The following ERBB4 variants were observed in gnomAD, a reference collection of about 807,000 sequenced individuals.
ERBB4 encodes the protein erb-b2 receptor tyrosine kinase 4.
ERBB4 carries 42 observed loss-of-function variants against 158.0 expected under a neutral mutation model. That is an observed-to-expected ratio of 0.27 (90% CI 0.21 to 0.34). The LOEUF (loss-of-function observed/expected upper bound fraction) is 0.34, where lower values mean the gene tolerates loss of function less well. Among genes scored for constraint, ERBB4 ranks in the 10% least tolerant of loss-of-function variants. The pLI, the probability that ERBB4 is intolerant of heterozygous loss-of-function variation, is 1.00. For synonymous variants in ERBB4, 583 were observed against 558.7 expected, an observed-to-expected ratio of 1.04 and a Z score of -0.61; for missense variants, 1,333 against 1,624.1, an observed-to-expected ratio of 0.82 and a Z score of 3.08.
At chr2:211,504,580 C>T (rs2065698525) in intron 20 of ERBB4, among the ~76,000 whole-genome samples, 1 of 152,042 alleles carries the variant, frequency 6.6e-6, no homozygotes, top group Admixed American at 6.5e-5. Context: ...CCCAAAGGAC[C>T]ACACTAGCTC....
intron 20 of ERBB4, among the ~76,000 whole-genome samples, chr2:211,452,890 T>C (rs2064284161): frequency 6.6e-6 from 1 of 152,206 alleles, no homozygotes; most frequent in South Asian, 2.1e-4. Context: ...ATTTGTGCAG[T>C]AAAGTATGTG....
At chr2:212,436,376 T>A (rs903748093) in intron 1 of ERBB4, among the ~76,000 whole-genome samples, 1 of 152,080 alleles carries the variant, frequency 6.6e-6, no homozygotes, top group Non-Finnish European at 1.5e-5. Flanking sequence ...CAAGTAGGCA[T>A]GACTGACATC....
chr2:212,532,644 A>G (rs1692818909), intron 1 of ERBB4, among the ~76,000 whole-genome samples: 1 of 152,258 alleles, frequency 6.6e-6, no homozygotes, highest in African/African-American at 2.4e-5. Flanking sequence ...CCCAGATCAC[A>G]TAACAAATGA....
intron 2 of ERBB4, among the ~76,000 whole-genome samples, chr2:211,951,991 A>T (rs1193917731): frequency 6.6e-6 from 1 of 152,070 alleles, no homozygotes; most frequent in Admixed American, 6.6e-5. Context: ...TGACCCAGAA[A>T]AATAATGTAA....
chr2:211,591,030 A>G (rs575166099), intron 19 of ERBB4, among the ~76,000 whole-genome samples: 11 of 152,242 alleles, frequency 7.2e-5, no homozygotes. Context: ...CTTTCCCTGT[A>G]AGGATCTCTC....
rs762428940 is a variant in ERBB4 at position 212,068,227 on chromosome 2, CAA to C, written c.234+56523_234+56524del. Among the ~76,000 whole-genome samples, 17 of 152,080 alleles carry C rather than the reference CAA, an allele frequency of 1.1e-4. 1 individual carries two copies. In the East Asian group the frequency reaches 1.5e-3, roughly 14 times the overall value. On this transcript the variant is annotated intron_variant, in intron 2 of 27. Coordinates refer to ENST00000342788, the MANE Select transcript of ERBB4 (RefSeq NM_005235.3). ...CTGTCCAGCCAGAACCACAAAAACT[CAA>C]AGACACAGGTGATAATGAGTAGGAC...
chr2:211,983,795 A>C (rs959884127), intron 2 of ERBB4, among the ~76,000 whole-genome samples: 11 of 152,190 alleles, frequency 7.2e-5, no homozygotes, highest in Non-Finnish European at 1.5e-4. Flanking sequence ...AAGAATTAAG[A>C]ATAGAGATCT....
In ERBB4 at chr2:212,309,200, T is replaced by G. The variant is rs183298612; in HGVS notation, c.83-184297A>C. On this transcript the variant is annotated intron_variant, in intron 1 of 27. Transcript: ENST00000342788. ...TCTTGATAAGTTAACACCCTCTGATTTGAGAACCAGACTATTTACGTAATC... is the reference window on the plus strand; with the variant it reads ...TCTTGATAAGTTAACACCCTCTGATGTGAGAACCAGACTATTTACGTAATC... 1.5e-4 allele frequency among the ~76,000 whole-genome samples: 22 copies of G among 151,036 alleles called. 1 individual carries two copies. The highest frequency in any genetic ancestry group is 5.1e-4 in the African/African-American group (21 of 41,416).
chr2:212,003,105 GAAA>G (rs1229491402), intron 2 of ERBB4, among the ~76,000 whole-genome samples: 3 of 45,510 alleles, frequency 6.6e-5, no homozygotes, highest in Admixed American at 3.5e-4. Context: ...GAGACAGAAA[GAAA>G]GAAAGAAGGA....
rs12617687 is a variant in ERBB4, at chr2:212,422,718, A to G, written c.82+115731T>C. ...TCAGTGATCTACCATTATAAGATAT[A>G]AAAGACTAGTAGATTCTATTCATGA... On this transcript the variant is annotated intron_variant, in intron 1 of 27. Transcript: ENST00000342788. Among the ~76,000 whole-genome samples the G allele has an allele frequency of 1.8e-3, 273 of 152,364 alleles. 5 individuals are homozygous for G. In the East Asian group the frequency reaches 0.038, roughly 21 times the overall value.
At chr2:211,864,014 C>A (rs2106089499) in intron 3 of ERBB4, among the ~76,000 whole-genome samples, 1 of 152,212 alleles carries the variant, frequency 6.6e-6, no homozygotes, top group Admixed American at 6.5e-5. Flanking sequence ...GCCAGAAGGT[C>A]CAGTCCTGCT....
chr2:212,191,573 T>TGTTATGCATGCTATATATAACACATGC (rs2082205352), intron 1 of ERBB4, among the ~76,000 whole-genome samples: 1 of 143,528 alleles, frequency 7.0e-6, no homozygotes, highest in African/African-American at 2.6e-5. Context: ...ATAACACATG[T>TGTTATGCATGCTATATATAACACATGC]GTTATGCCTG....
chr2:212,452,701 A>T (rs57921759), intron 1 of ERBB4, among the ~76,000 whole-genome samples: 23,355 of 152,030 alleles, frequency 0.15, 1,943 homozygotes, highest in African/African-American at 0.2. Context: ...TGCATCTTAC[A>T]ATTTGCTTAC....
At chr2:211,418,634 TATAAAA>T (rs1270952769) in intron 25 of ERBB4, among the ~76,000 whole-genome samples, 2 of 152,082 alleles carry the variant, frequency 1.3e-5, no homozygotes, top group Non-Finnish European at 2.9e-5. Context: ...TAAGAATTCT[TATAAAA>T]AGAAAAAGAT....
intron 19 of ERBB4, among the ~76,000 whole-genome samples, chr2:211,617,829 T>C (rs974567303): frequency 7.9e-5 from 12 of 152,114 alleles, no homozygotes; most frequent in Admixed American, 6.6e-4. Context: ...ATTTTTCATA[T>C]GAAGGTCATT....
intron 1 of ERBB4, among the ~76,000 whole-genome samples, chr2:212,126,964 A>T (rs533771763): frequency 1.3e-5 from 2 of 152,304 alleles, no homozygotes; most frequent in African/African-American, 4.8e-5. Flanking sequence ...ACCATAGTGG[A>T]AATTCATTAT....
intron 1 of ERBB4, among the ~76,000 whole-genome samples, chr2:212,256,020 G>T (rs565783700): frequency 5.5e-4 from 83 of 150,848 alleles, no homozygotes; most frequent in Non-Finnish European, 8.9e-4. Flanking sequence ...TTACAAATGG[G>T]GGGGGGTCTC....
intron 7 of ERBB4, 67 bp from the exon 8 acceptor site, chr2:211,713,715 A>G (rs2106088758): frequency 2.1e-6 from 2 of 944,312 alleles, no homozygotes; most frequent in Non-Finnish European, 1.7e-6. Flanking sequence ...AGCTCAAAAC[A>G]AGATATTTTA....
Position 212,374,011 on chromosome 2 carries a change from C to CATAT in ERBB4, c.82+164434_82+164437dup, listed in dbSNP as rs1560147739. ...CCATATATATCCATATATATATATC[C>CATAT]ATATATATCCATATATATATATCCA... is the stretch of plus-strand genomic sequence containing the variant. On this transcript the variant is annotated intron_variant, in intron 1 of 27. Coordinates refer to ENST00000342788, the MANE Select transcript of ERBB4 (RefSeq NM_005235.3). Among the ~76,000 whole-genome samples the CATAT allele has an allele frequency of 5.8e-5, 6 of 102,842 alleles. No homozygotes were observed. The East Asian group carries it at 1.5e-3, about 25-fold the overall frequency. 67.5% of individuals were successfully genotyped at this position (102,842 alleles called of 152,430 possible).
Sources: allele counts gnomAD v4.1 joint callset (sites outside exome capture counted in the v4.1 genomes callset), GRCh38; gene constraint gnomAD v4.1.1; transcripts MANE v1.5; gene names NCBI Gene and HGNC (gene_info 2026-07-23, HGNC 2026-07-21).